AFAP1: variants seen among roughly 807,000 people sequenced by gnomAD.
AFAP1 encodes actin filament associated protein 1.
AFAP1 carries 75 observed loss-of-function variants against 93.9 expected under a neutral mutation model. The observed-to-expected ratio is 0.80, with a 90% CI of 0.66 to 0.97. AFAP1 has a LOEUF of 0.97. Ranked by LOEUF, AFAP1 falls within the 50% of genes least tolerant of loss-of-function variation. The probability of loss-of-function intolerance (pLI) is 0.00; values close to 1 mark genes in which losing one functional copy is unlikely to be tolerated. For missense variants in AFAP1, 1,201 were observed against 1,050.8 expected, an observed-to-expected ratio of 1.14 and a Z score of -1.98; for synonymous variants, 517 against 430.7, an observed-to-expected ratio of 1.20 and a Z score of -2.48.
rs1269154931 is a variant in AFAP1, at chr4:7,761,178, CATAA to C, written c.*2583_*2586del. On this transcript the variant is annotated 3_prime_UTR_variant, in exon 18 of 18. Transcript: ENST00000420658. ...AAACTATATTTATTGAACATATACACATAAATAACTTATTCTGAAGTAAATGCTT... is the reference window on the plus strand; with the variant it reads ...AAACTATATTTATTGAACATATACACATAACTTATTCTGAAGTAAATGCTT... The C allele has an allele frequency of 1.3e-5, 2 of 152,224 alleles. No individual in the cohort carries two copies. The highest frequency in any genetic ancestry group is 2.4e-5 in the African/African-American group (1 of 41,450). 9.4% of individuals were successfully genotyped at this position (152,224 alleles called of 1,614,324 possible). A position where few individuals can be genotyped will look rare whatever the true frequency, so the allele number is the denominator to read the frequency against.
chr4:7,870,014 G>A (rs1207366588), intron 2 of AFAP1, among the ~76,000 whole-genome samples: 1 of 152,192 alleles, frequency 6.6e-6, no homozygotes, highest in East Asian at 1.9e-4. Flanking sequence ...TCAGGGGAAA[G>A]CAAGTGGTCA....
In AFAP1 at chr4:7,759,795, C is replaced by T. The variant is rs1713526999; in HGVS notation, c.*3970G>A. ...AGGCTGTTTCAAGGATGGACATCCA[C>T]CTGAATGCAGGGGCCACCTGTGAGC... On this transcript the variant is annotated 3_prime_UTR_variant, in exon 18 of 18. Coordinates refer to ENST00000420658, the MANE Select transcript of AFAP1 (RefSeq NM_001134647.2). 1 of 152,292 alleles carries T rather than the reference C, an allele frequency of 6.6e-6. No homozygotes were observed. Among genetic ancestry groups the T allele is most frequent in the Non-Finnish European group, 1.5e-5 (1 of 68,062 alleles). The allele number at this position is 152,292 out of a possible 1,614,324, so 9.4% of individuals were successfully genotyped here.
intron 1 of AFAP1, among the ~76,000 whole-genome samples, chr4:7,928,586 C>T (rs928371391): frequency 3.3e-5 from 5 of 152,160 alleles, no homozygotes; most frequent in African/African-American, 1.2e-4. Context: ...TGGGGTTTCA[C>T]CATATTGGCC....
At chr4:7,932,785 G>C (rs1721150766) in intron 1 of AFAP1, among the ~76,000 whole-genome samples, 1 of 152,100 alleles carries the variant, frequency 6.6e-6, no homozygotes, top group African/African-American at 2.4e-5. Flanking sequence ...ATTTTGGAAG[G>C]CCAAGGCCGG....
intron 1 of AFAP1, among the ~76,000 whole-genome samples, chr4:7,938,618 T>C (rs79807020): frequency 2.0e-5 from 3 of 152,124 alleles, no homozygotes; most frequent in Non-Finnish European, 2.9e-5. Flanking sequence ...CTTGGCCTCA[T>C]TCCGTGGGTG....
At chr4:7,854,373 GCTGGCA>G (rs1016757879) in intron 4 of AFAP1, among the ~76,000 whole-genome samples, 1 of 152,200 alleles carries the variant, frequency 6.6e-6, no homozygotes, top group Admixed American at 6.5e-5. Context: ...AGCGGGAGCA[GCTGGCA>G]CCCTCAGGGG....
chr4:7,936,368 C>G (rs951484452), intron 1 of AFAP1, among the ~76,000 whole-genome samples: 4 of 150,332 alleles, frequency 2.7e-5, no homozygotes, highest in Non-Finnish European at 4.4e-5. Flanking sequence ...CTCCGTCACC[C>G]AGACTGGAGT....
At chr4:7,853,500 C>T (rs1415065225) in intron 4 of AFAP1, among the ~76,000 whole-genome samples, 1 of 152,164 alleles carries the variant, frequency 6.6e-6, no homozygotes, top group African/African-American at 2.4e-5. Flanking sequence ...TCCCGTCTGT[C>T]TGTCCCTCCT....
intron 8 of AFAP1, among the ~76,000 whole-genome samples, chr4:7,812,825 G>A (rs1380592285): frequency 6.6e-6 from 1 of 152,154 alleles, no homozygotes; most frequent in African/African-American, 2.4e-5. Context: ...GGAGGAATAG[G>A]GGCATGAGAA....
chr4:7,807,520 C>T (rs1719634011), intron 9 of AFAP1, among the ~76,000 whole-genome samples: 1 of 152,194 alleles, frequency 6.6e-6, no homozygotes, highest in African/African-American at 2.4e-5. Context: ...AGTGGAAAAA[C>T]ATCAGTACCA....
intron 3 of AFAP1, among the ~76,000 whole-genome samples, chr4:7,856,799 T>C (rs1715125291): frequency 1.3e-5 from 2 of 152,176 alleles, no homozygotes; most frequent in African/African-American, 4.8e-5. Flanking sequence ...AAGAGGTGGC[T>C]GAGTGGCAGG....
At chr4:7,813,011 CGGTTTATTAGACA>C (rs1560174806) in intron 8 of AFAP1, among the ~76,000 whole-genome samples, 1 of 152,094 alleles carries the variant, frequency 6.6e-6, no homozygotes. Context: ...CATACTGTGT[CGGTTTATTAGACA>C]GGAGGGATTC....
intron 3 of AFAP1, among the ~76,000 whole-genome samples, chr4:7,858,283 C>G (rs1400325859): frequency 6.6e-6 from 1 of 152,188 alleles, no homozygotes; most frequent in Non-Finnish European, 1.5e-5. Flanking sequence ...TTTCTACATG[C>G]AATCTGGACT....
chr4:7,820,908 C>T (rs1407926620), intron 6 of AFAP1, among the ~76,000 whole-genome samples: 2 of 152,078 alleles, frequency 1.3e-5, no homozygotes, highest in South Asian at 2.1e-4. Flanking sequence ...CACCAGAGGT[C>T]GGGAGCTCAA....
At chr4:7,764,487 G>A (rs1432303176) in intron 17 of AFAP1, among the ~76,000 whole-genome samples, 1 of 152,234 alleles carries the variant, frequency 6.6e-6, no homozygotes, top group Admixed American at 6.5e-5. Context: ...GGCGATGGCT[G>A]TGCAACAATG....
chr4:7,797,691 A>C (rs116348556), intron 10 of AFAP1, among the ~76,000 whole-genome samples: 1,813 of 152,312 alleles, frequency 0.012, 32 homozygotes, highest in African/African-American at 0.041. Flanking sequence ...TAACTAGAAA[A>C]ACCTGACGAA....
In AFAP1 at chr4:7,884,308, T is replaced by C. The variant is rs190294910; in HGVS notation, c.-2-12228A>G. ...TTACCCAAGTTCAGGTATTTCTTTATAGCAATGCAAGATAGGCCTAACCCG... is the reference window on the plus strand; with the variant it reads ...TTACCCAAGTTCAGGTATTTCTTTACAGCAATGCAAGATAGGCCTAACCCG... On this transcript the variant is annotated intron_variant, in intron 1 of 17. Transcript: ENST00000420658. Among the ~76,000 whole-genome samples, 5 of 152,354 alleles carry C rather than the reference T, an allele frequency of 3.3e-5. No homozygotes were observed. In the East Asian group the frequency reaches 5.8e-4, roughly 18 times the overall value.
rs958566255 is a variant in AFAP1, at chr4:7,778,878, T to C, written c.1783-2A>G. On this transcript the variant is annotated splice_acceptor_variant, in intron 13 of 17. Coordinates refer to ENST00000420658, the MANE Select transcript of AFAP1 (RefSeq NM_001134647.2). LOFTEE classifies it high-confidence loss of function. The stretch of plus-strand genomic sequence containing the variant: ...CACGGGGGGCTTTTTACCCTTGAGC[T>C]GTTGAAATAAACATATAAGAACATT... 1.4e-5 allele frequency: 23 copies of C among 1,596,472 alleles called. No individual in the cohort carries two copies. The highest frequency in any genetic ancestry group is 2.0e-5 in the Non-Finnish European group (23 of 1,165,382).
At chr4:7,918,380 G>A (rs929551458) in intron 1 of AFAP1, among the ~76,000 whole-genome samples, 1 of 147,718 alleles carries the variant, frequency 6.8e-6, no homozygotes, top group Admixed American at 6.8e-5. Context: ...CCAGGAAACA[G>A]GGCTGCCGGA....
Sources: allele counts gnomAD v4.1 joint callset (sites outside exome capture counted in the v4.1 genomes callset), GRCh38; gene constraint gnomAD v4.1.1; transcripts MANE v1.5; gene names NCBI Gene and HGNC (gene_info 2026-07-23, HGNC 2026-07-21).